The following BMPER variants were observed in gnomAD, a reference collection of about 807,000 sequenced individuals.
The protein encoded by BMPER is BMP-binding endothelial regulator protein.
A neutral mutation model predicts 87.3 loss-of-function variants in BMPER; 45 were observed. The ratio of observed to expected loss-of-function variants is 0.52; its 90% CI spans 0.41 to 0.66. The LOEUF (loss-of-function observed/expected upper bound fraction) is 0.66, where lower values mean the gene tolerates loss of function less well. BMPER is among the 30% of genes least tolerant of loss of function. BMPER has a pLI of 0.00. For synonymous variants in BMPER, 326 were observed against 316.2 expected (o/e 1.03, Z -0.33); for missense variants, 784 against 867.5 (o/e 0.90, Z 1.21).
At chr7:34,061,235 C>T (rs1378819119) in intron 10 of BMPER, among the ~76,000 whole-genome samples, 2 of 152,252 alleles carry the variant, frequency 1.3e-5, no homozygotes, top group East Asian at 3.9e-4. Flanking sequence ...ATTTCTTTTT[C>T]TCTTTGATTA....
chr7:34,143,104 G>A (rs1413658290), intron 13 of BMPER, 126 bp from the exon 14 acceptor site: 10 of 1,418,656 alleles, frequency 7.0e-6, no homozygotes, highest in Non-Finnish European at 9.8e-6. Flanking sequence ...TAGATTTCCA[G>A]TCTAAAACAG....
chr7:34,109,951 T>C (rs1429669564), intron 13 of BMPER, among the ~76,000 whole-genome samples: 1 of 152,214 alleles, frequency 6.6e-6, no homozygotes, highest in Non-Finnish European at 1.5e-5. Flanking sequence ...TCCTGGTTTT[T>C]AATGTTATAG....
intron 14 of BMPER, among the ~76,000 whole-genome samples, chr7:34,146,653 G>A (rs1037148489): frequency 5.9e-5 from 9 of 152,010 alleles, no homozygotes; most frequent in Admixed American, 5.9e-4. Flanking sequence ...TACTCAGAGG[G>A]TCATTGAGAC....
At chr7:33,962,861 A>G (rs1785307161) in intron 3 of BMPER, among the ~76,000 whole-genome samples, 1 of 152,114 alleles carries the variant, frequency 6.6e-6, no homozygotes, top group Non-Finnish European at 1.5e-5. Context: ...TTACCTGACC[A>G]GTCATCTAAT....
Position 34,028,601 on chromosome 7 carries a change from G to GTTTTTTTTTTTT in BMPER, c.577-17684_577-17673dup. ...ACATACAGTCCAAATCATTTTTTCT[G>GTTTTTTTTTTTT]TTTTTTTTTTTTTTTTTTTTTTTTT... On this transcript the variant is annotated intron_variant, in intron 6 of 14. Coordinates refer to ENST00000649409, the MANE Select transcript of BMPER (RefSeq NM_001365308.1). Among the ~76,000 whole-genome samples, 40 of 36,054 alleles carry GTTTTTTTTTTTT rather than the reference G, an allele frequency of 1.1e-3. 6 individuals carry two copies. Among genetic ancestry groups the GTTTTTTTTTTTT allele is most frequent in the African/African-American group, 1.3e-3 (15 of 11,386 alleles). 23.7% of individuals were successfully genotyped at this position (36,054 alleles called of 152,430 possible).
At chr7:34,032,113 CT>C (rs1787545083) in intron 6 of BMPER, among the ~76,000 whole-genome samples, 1 of 150,876 alleles carries the variant, frequency 6.6e-6, no homozygotes, top group Non-Finnish European at 1.5e-5. Context: ...TTCATGAACT[CT>C]ATGAGACTGA....
At chr7:34,015,301 A>G (rs114978687) in intron 6 of BMPER, among the ~76,000 whole-genome samples, 2,054 of 152,054 alleles carry the variant, frequency 0.014, 58 homozygotes, top group African/African-American at 0.047. Context: ...AAATAGAACA[A>G]TAATAATAAT....
At chr7:34,150,452 G>A (rs576391737) in intron 14 of BMPER, among the ~76,000 whole-genome samples, 1 of 152,292 alleles carries the variant, frequency 6.6e-6, no homozygotes, top group South Asian at 2.1e-4. Flanking sequence ...GCATCAGGAA[G>A]TTCCCCAGGT....
At chr7:34,083,189 G>A (rs925102418) in intron 12 of BMPER, among the ~76,000 whole-genome samples, 1 of 152,172 alleles carries the variant, frequency 6.6e-6, no homozygotes, top group East Asian at 1.9e-4. Flanking sequence ...TAACGTGTTG[G>A]ATGATAGGGT....
chr7:34,127,921 A>G (rs1790447214), intron 13 of BMPER, among the ~76,000 whole-genome samples: 1 of 152,168 alleles, frequency 6.6e-6, no homozygotes, highest in Non-Finnish European at 1.5e-5. Context: ...CATCCAAAAT[A>G]TTCTTATTAG....
intron 9 of BMPER, 69 bp downstream of exon 9, chr7:34,055,372 T>G: frequency 6.3e-7 from 1 of 1,593,300 alleles, no homozygotes; most frequent in Admixed American, 1.7e-5. Flanking sequence ...CTCCAGACAC[T>G]AGGCAGATTG....
chr7:34,132,624 C>T lies in BMPER; in HGVS notation c.1746-10606C>T, dbSNP rs1021380778. 1.4e-4 allele frequency among the ~76,000 whole-genome samples: 21 copies of T among 152,220 alleles called. No homozygotes were observed. In the South Asian group the frequency reaches 3.7e-3, roughly 27 times the overall value. ...TAGAATTATGATGAGATGAGCTCAC[C>T]AAAAAGGAGACAGTGAGTTTCTTTG... On this transcript the variant is annotated intron_variant, in intron 13 of 14. Coordinates refer to ENST00000649409, the MANE Select transcript of BMPER (RefSeq NM_001365308.1).
chr7:34,055,301 C>T lies in BMPER; in HGVS notation c.925C>T (p.Gln309Ter), dbSNP rs387906992. The T allele has an allele frequency of 2.5e-6, 4 of 1,613,812 alleles. No individual in the cohort carries two copies. The highest frequency in any genetic ancestry group is 3.3e-5 in the Admixed American group (2 of 59,982). The change falls in exon 9 of 15, where the codon CAG becomes TAG. Residue 309 changes from glutamine to a stop codon, truncating the protein, a stop_gained and splice_region_variant. Coordinates refer to ENST00000649409, the MANE Select transcript of BMPER (RefSeq NM_001365308.1). LOFTEE classifies it high-confidence loss of function. ...KVCKFGNKIF[Q>*]DGEMWSSINC... Reference sequence around the variant, plus strand: ...ATGCAAATTTGGCAACAAGATTTTCCAGGTATGTCATGAGACAAGCACATG... The same window carrying T: ...ATGCAAATTTGGCAACAAGATTTTCTAGGTATGTCATGAGACAAGCACATG...
intron 6 of BMPER, among the ~76,000 whole-genome samples, chr7:33,981,875 G>C (rs1021175644): frequency 6.6e-6 from 1 of 152,200 alleles, no homozygotes; most frequent in Admixed American, 6.5e-5. Context: ...CCCTGAGAAT[G>C]TCTTGTTTGA....
chr7:33,966,662 C>G (rs999798384), intron 4 of BMPER, 101 bp downstream of exon 4: 2 of 1,143,324 alleles, frequency 1.7e-6, no homozygotes, highest in African/African-American at 1.5e-5. Flanking sequence ...AAAGGCCAAA[C>G]AGAAATGAAA....
At position 34,078,999 on chromosome 7, in the gene BMPER, C is replaced by A; in HGVS notation, c.1221C>A (p.Asn407Lys). 1.9e-6 allele frequency: 3 copies of A among 1,614,188 alleles called. No individual in the cohort carries two copies. The highest frequency in any genetic ancestry group is 2.5e-6 in the Non-Finnish European group (3 of 1,180,024). ...CGCCCTTCCAGGTGCTGGTGAAGAA[C>A]GACGCCCGCCGGACACGCTCCTTCT... ...PASPFQVLVK[N>K]DARRTRSFSW... The change falls in exon 12 of 15, where the codon AAC (asparagine) becomes AAA (lysine). Residue 407 changes from asparagine to lysine, a missense_variant. By Grantham distance (94) the Asn-to-Lys change is moderately conservative. Transcript: ENST00000649409.
chr7:33,934,502 T>C (rs559987021), intron 2 of BMPER, among the ~76,000 whole-genome samples: 5 of 150,764 alleles, frequency 3.3e-5, no homozygotes, highest in Non-Finnish European at 7.4e-5. Flanking sequence ...TTTAGGTTTG[T>C]TCTATGTGTG....
At chr7:34,132,492 C>T (rs755932998) in intron 13 of BMPER, among the ~76,000 whole-genome samples, 5 of 152,186 alleles carry the variant, frequency 3.3e-5, no homozygotes, top group Non-Finnish European at 7.3e-5. Flanking sequence ...TTTCTTTCTG[C>T]ATTTCCCACA....
At chr7:34,047,787 TTTCC>T (rs776382522) in intron 7 of BMPER, among the ~76,000 whole-genome samples, 1 of 1,186 alleles carries the variant, frequency 8.4e-4, no homozygotes, top group South Asian at 0.028. Context: ...CTTGATTTTC[TTTCC>T]TTCCTTCCTT....
Sources: gnomAD v4.1 joint callset for allele counts (sites outside exome capture counted in the v4.1 genomes callset) on GRCh38, gnomAD v4.1.1 for gene constraint, MANE v1.5 for transcripts, NCBI Gene and HGNC (gene_info 2026-07-23, HGNC 2026-07-21) for gene names.